Variants in CDH11 observed in about 807,000 individuals in gnomAD.
CDH11 encodes the protein cadherin-11.
A neutral mutation model predicts 67.8 loss-of-function variants in CDH11; 11 were observed. The ratio of observed to expected loss-of-function variants is 0.16; its 90% CI spans 0.10 to 0.27. CDH11 has a LOEUF of 0.27. Ranked by LOEUF, CDH11 falls within the 10% of genes least tolerant of loss-of-function variation. The pLI is 1.00. For missense variants in CDH11, 847 were observed against 1,031.2 expected (o/e 0.82, Z 2.45); for synonymous variants, 419 against 400.0 (o/e 1.05, Z -0.57).
At chr16:65,099,785 C>G (rs2074960249) in intron 1 of CDH11, among the ~76,000 whole-genome samples, 2 of 152,148 alleles carry the variant, frequency 1.3e-5, no homozygotes, top group Admixed American at 1.3e-4. Context: ...CAAGTCATAA[C>G]TTGTCCTCAT....
intron 2 of CDH11, among the ~76,000 whole-genome samples, chr16:65,039,218 T>A (rs1053097111): frequency 8.5e-5 from 13 of 152,222 alleles, no homozygotes; most frequent in Non-Finnish European, 1.6e-4. Context: ...GTGTCTATTC[T>A]AATGAATTAA....
At chr16:65,028,212 G>A (rs937479412) in intron 2 of CDH11, among the ~76,000 whole-genome samples, 6 of 152,166 alleles carry the variant, frequency 3.9e-5, no homozygotes, top group African/African-American at 1.4e-4. Flanking sequence ...CTGCTCTGCT[G>A]AGATGCCCAG....
In CDH11 at chr16:64,944,668, G is replaced by C. The variant is rs993659364; in HGVS notation, c.*2935C>G. The C allele has an allele frequency of 4.3e-6, 1 of 231,628 alleles. No homozygotes were observed. The highest frequency in any genetic ancestry group is 2.2e-5 in the African/African-American group (1 of 45,214). The allele number at this position is 231,628 out of a possible 1,614,324, so 14.3% of individuals were successfully genotyped here. On this transcript the variant is annotated 3_prime_UTR_variant, in exon 13 of 13. Coordinates refer to ENST00000268603, the MANE Select transcript of CDH11 (RefSeq NM_001797.4). ...TCTATATTTTTAAGCAATTCTCCAA[G>C]AGGTGCAAATAAACTACTCTTTTAT...
intron 2 of CDH11, among the ~76,000 whole-genome samples, chr16:65,035,556 G>T (rs2073737147): frequency 6.6e-6 from 1 of 152,164 alleles, no homozygotes; most frequent in South Asian, 2.1e-4. Context: ...ATAGTTTATA[G>T]CTATATACTT....
At chr16:64,992,215 A>T (rs1159267528) in intron 5 of CDH11, among the ~76,000 whole-genome samples, 1 of 152,180 alleles carries the variant, frequency 6.6e-6, no homozygotes, top group Non-Finnish European at 1.5e-5. Context: ...TAAAGACTGA[A>T]ATACTTGAGT....
intron 1 of CDH11, among the ~76,000 whole-genome samples, chr16:65,072,417 C>T (rs1305591294): frequency 6.6e-6 from 1 of 152,210 alleles, no homozygotes; most frequent in African/African-American, 2.4e-5. Context: ...CCACCAGGCT[C>T]ATGGTACCCC....
At chr16:64,948,148 T>C (rs1238321981) in intron 12 of CDH11, 49 bp from the exon 13 acceptor site, 2 of 1,565,406 alleles carry the variant, frequency 1.3e-6, no homozygotes, top group Non-Finnish European at 1.7e-6. Flanking sequence ...CCAGTATTCC[T>C]GGGTTCTTCT....
At position 64,948,021 on chromosome 16, in the gene CDH11, T is replaced by G; in HGVS notation, c.1973A>C (p.Glu658Ala). Residue 658 changes from glutamate to alanine, a missense_variant, in exon 13 of 13, where the codon GAG becomes GCG. Transcript: ENST00000268603. ...TTCATCATCATAAGTAATGATGTTC[T>G]CACGGACATCTTCTTCCTCAAAGAC... ...LIVFEEEDVR[E>A]NIITYDDEGG... is the part of the protein sequence containing the mutation. 6.2e-7 allele frequency: 1 copy of G among 1,614,180 alleles called. No homozygotes were observed. The highest frequency in any genetic ancestry group is 1.1e-5 in the South Asian group (1 of 91,078).
intron 12 of CDH11, chr16:64,948,611 T>C: frequency 2.5e-6 from 4 of 1,610,136 alleles, no homozygotes; most frequent in Middle Eastern, 1.7e-4. Context: ...AGTCTTACCG[T>C]AAGTGTGGTT....
rs1261902189 is a variant in CDH11, at chr16:65,072,282, T to TGGTAAGACACACACCCACTGC, written c.-297-18375_-297-18355dup. 2.0e-4 allele frequency: 30 copies of TGGTAAGACACACACCCACTGC among 152,494 alleles called. 1 individual carries two copies. Among genetic ancestry groups the TGGTAAGACACACACCCACTGC allele is most frequent in the African/African-American group, 7.0e-4 (29 of 41,428 alleles). The allele number at this position is 152,494 out of a possible 1,614,324, so 9.4% of individuals were successfully genotyped here. ...CAGCAGCCCTGTGAATGAGCCACTG[T>TGGTAAGACACACACCCACTGC]GGTAAGACACACACCCACTGCTAAT... On this transcript the variant is annotated intron_variant, in intron 1 of 12. Transcript: ENST00000268603.
chr16:65,109,966 C>T (rs1035045657), intron 1 of CDH11, among the ~76,000 whole-genome samples: 1 of 152,134 alleles, frequency 6.6e-6, no homozygotes, highest in Non-Finnish European at 1.5e-5. Flanking sequence ...ACTGCAGCCT[C>T]GACCTCTCCG....
chr16:65,064,988 C>G (rs1009263734), intron 1 of CDH11, among the ~76,000 whole-genome samples: 1 of 152,178 alleles, frequency 6.6e-6, no homozygotes, highest in Non-Finnish European at 1.5e-5. Context: ...AGCATCTAAA[C>G]CGCCCCAGAC....
chr16:64,956,929 C>T (rs1201900140), intron 11 of CDH11, among the ~76,000 whole-genome samples: 1 of 151,954 alleles, frequency 6.6e-6, no homozygotes, highest in East Asian at 1.9e-4. Flanking sequence ...GAAAGAAGAC[C>T]TTGATAGATA....
intron 7 of CDH11, among the ~76,000 whole-genome samples, chr16:64,983,591 G>A (rs946499370): frequency 6.6e-6 from 1 of 152,040 alleles, no homozygotes; most frequent in Non-Finnish European, 1.5e-5. Flanking sequence ...GTTTCAACAG[G>A]GTTAAGCAAG....
intron 1 of CDH11, among the ~76,000 whole-genome samples, chr16:65,114,020 A>C (rs1255322074): frequency 6.6e-6 from 1 of 152,128 alleles, no homozygotes; most frequent in Non-Finnish European, 1.5e-5. Context: ...GGAAAAAGTG[A>C]AGGGGGGTCA....
chr16:65,118,487 A>G (rs552656554), intron 1 of CDH11, among the ~76,000 whole-genome samples: 1 of 152,320 alleles, frequency 6.6e-6, no homozygotes, highest in East Asian at 1.9e-4. Flanking sequence ...AACTACTTTT[A>G]TATATTTCAG....
At chr16:65,000,669 C>G (rs926117525) in intron 3 of CDH11, among the ~76,000 whole-genome samples, 1 of 151,946 alleles carries the variant, frequency 6.6e-6, no homozygotes. Flanking sequence ...ATTAACCAGG[C>G]ATGATAGCTT....
chr16:64,996,131 T>A (rs780396767), intron 4 of CDH11, among the ~76,000 whole-genome samples: 1 of 152,134 alleles, frequency 6.6e-6, no homozygotes, highest in Non-Finnish European at 1.5e-5. Context: ...ACATATACAC[T>A]GCTGGTTGGA....
At chr16:64,967,614 G>T (rs1224909864) in intron 11 of CDH11, among the ~76,000 whole-genome samples, 1 of 151,896 alleles carries the variant, frequency 6.6e-6, no homozygotes, top group African/African-American at 2.4e-5. Flanking sequence ...TGAAAATATT[G>T]ACATACATAT....
Sources: allele counts gnomAD v4.1 joint callset (sites outside exome capture counted in the v4.1 genomes callset), GRCh38; gene constraint gnomAD v4.1.1; transcripts MANE v1.5; gene names NCBI Gene and HGNC (gene_info 2026-07-23, HGNC 2026-07-21).